The following NDRG3 variants were observed in gnomAD, a reference collection of about 807,000 sequenced individuals.
NDRG3 encodes the protein protein NDRG3.
Under a neutral mutation model 57.2 loss-of-function variants are expected in NDRG3, and 23 were observed. That is an observed-to-expected ratio of 0.40 (90% confidence interval 0.29 to 0.57). The LOEUF is 0.57. Ranked by LOEUF, NDRG3 falls within the 20% of genes least tolerant of loss-of-function variation. NDRG3 has a pLI of 0.42. For missense variants in NDRG3, 384 were observed against 457.3 expected, an observed-to-expected ratio of 0.84 and a Z score of 1.46; for synonymous variants, 132 against 162.6, an observed-to-expected ratio of 0.81 and a Z score of 1.43.
At position 36,665,748 on chromosome 20, in the gene NDRG3, G is replaced by A. The variant is rs577463825; in HGVS notation, c.693-447C>T. On this transcript the variant is annotated intron_variant, in intron 10 of 15. Coordinates refer to ENST00000349004, the MANE Select transcript of NDRG3 (RefSeq NM_032013.4). The stretch of plus-strand genomic sequence containing the variant: ...CAAGTAGCTGAGATTACAGGCGCCC[G>A]CCACTACACCCGGCTAATTTTTGTA... Among the ~76,000 whole-genome samples the A allele has an allele frequency of 5.2e-4, 79 of 152,216 alleles. 1 individual carries two copies. Among genetic ancestry groups the A allele is most frequent in the Non-Finnish European group, 9.1e-4 (62 of 68,002 alleles).
At chr20:36,657,210 C>T (rs547595516) in intron 13 of NDRG3, among the ~76,000 whole-genome samples, 34 of 152,116 alleles carry the variant, frequency 2.2e-4, no homozygotes, top group Non-Finnish European at 4.4e-4. Flanking sequence ...TTTCTGGCCG[C>T]GCGCAGTGGC....
intron 1 of NDRG3, among the ~76,000 whole-genome samples, chr20:36,731,106 A>G (rs1488483138): frequency 1.3e-5 from 2 of 152,162 alleles, no homozygotes; most frequent in African/African-American, 2.4e-5. Flanking sequence ...AAGAAAATCA[A>G]TTTCAGTCAG....
intron 3 of NDRG3, among the ~76,000 whole-genome samples, chr20:36,696,586 C>T (rs528027482): frequency 6.6e-6 from 1 of 152,050 alleles, no homozygotes; most frequent in East Asian, 1.9e-4. Flanking sequence ...CCCCACCTCC[C>T]GGGTTCAAGT....
intron 9 of NDRG3, among the ~76,000 whole-genome samples, chr20:36,668,287 AT>A (rs1979810443): frequency 6.6e-6 from 1 of 152,142 alleles, no homozygotes; most frequent in Non-Finnish European, 1.5e-5. Flanking sequence ...AAAAACACAA[AT>A]TATAGTCCTC....
At chr20:36,739,389 GTGAGCCGGGATCGCCCCAC>G (rs1985798818) in intron 1 of NDRG3, among the ~76,000 whole-genome samples, 1 of 151,070 alleles carries the variant, frequency 6.6e-6, no homozygotes, top group Admixed American at 6.6e-5. Flanking sequence ...GGAGGTTGCA[GTGAGCCGGGATCGCCCCAC>G]TGCACTCCAG....
At position 36,721,913 on chromosome 20, in the gene NDRG3, C is replaced by T. The variant is rs1984616702; in HGVS notation, c.-48-130G>A. The T allele has an allele frequency of 7.4e-6, 4 of 541,024 alleles. 1 individual carries two copies. Among genetic ancestry groups the T allele is most frequent in the Non-Finnish European group, 3.2e-6 (1 of 308,686 alleles). The allele number at this position is 541,024 out of a possible 1,614,324, so 33.5% of individuals were successfully genotyped here. A position where few individuals can be genotyped will look rare whatever the true frequency, so the allele number is the denominator to read the frequency against. On this transcript the variant is annotated intron_variant, in intron 1 of 15. Transcript: ENST00000349004. ...CATGCCCTGCTCAGGGTGCTAAAGA[C>T]ACATAGTTACGGCAGATAGACACTA...
At chr20:36,712,681 C>T (rs1054418699) in intron 2 of NDRG3, among the ~76,000 whole-genome samples, 2 of 141,650 alleles carry the variant, frequency 1.4e-5, no homozygotes, top group African/African-American at 2.6e-5. Flanking sequence ...CTGCAACCTC[C>T]GCCTGCCAAG....
chr20:36,657,521 G>T (rs1978788658), intron 13 of NDRG3, among the ~76,000 whole-genome samples: 1 of 151,274 alleles, frequency 6.6e-6, no homozygotes, highest in Admixed American at 6.6e-5. Flanking sequence ...TTTCTAATAA[G>T]ATCTCAGGTG....
At chr20:36,703,965 A>G (rs570079036) in intron 3 of NDRG3, among the ~76,000 whole-genome samples, 1 of 152,364 alleles carries the variant, frequency 6.6e-6, no homozygotes, top group South Asian at 2.1e-4. Flanking sequence ...GACATATGCC[A>G]AAATATTAAC....
intron 8 of NDRG3, among the ~76,000 whole-genome samples, chr20:36,680,484 CA>C (rs71186011): frequency 0.71 from 90,530 of 127,274 alleles, 30,838 homozygotes; most frequent in Middle Eastern, 0.8. Context: ...GACTCCATCT[CA>C]AAAAAAAAAA....
intron 9 of NDRG3, among the ~76,000 whole-genome samples, chr20:36,667,932 A>C (rs1475945927): frequency 1.3e-5 from 2 of 152,178 alleles, no homozygotes; most frequent in Admixed American, 1.3e-4. Flanking sequence ...AGGTATTATA[A>C]TAAGAAAAGT....
chr20:36,704,374 T>C (rs557509869), intron 3 of NDRG3, among the ~76,000 whole-genome samples: 3 of 152,168 alleles, frequency 2.0e-5, no homozygotes, highest in African/African-American at 7.2e-5. Flanking sequence ...CGCACCCCAC[T>C]ATATTCTAAT....
intron 1 of NDRG3, among the ~76,000 whole-genome samples, chr20:36,731,154 A>C: frequency 6.6e-6 from 1 of 152,164 alleles, no homozygotes. Flanking sequence ...GGGAGTGAGA[A>C]TGAGTGAGGT....
intron 5 of NDRG3, among the ~76,000 whole-genome samples, chr20:36,686,380 A>T (rs1471439647): frequency 6.6e-6 from 1 of 152,228 alleles, no homozygotes; most frequent in Non-Finnish European, 1.5e-5. Flanking sequence ...AACTTATCCC[A>T]TAGGGTTGTG....
chr20:36,720,987 G>A (rs2148196337), intron 2 of NDRG3, among the ~76,000 whole-genome samples: 1 of 151,254 alleles, frequency 6.6e-6, no homozygotes, highest in South Asian at 2.1e-4. Context: ...TGTTGTCCAG[G>A]CTGGTCTCAA....
intron 13 of NDRG3, among the ~76,000 whole-genome samples, chr20:36,658,307 T>C (rs934694930): frequency 1.3e-5 from 2 of 152,054 alleles, no homozygotes; most frequent in Non-Finnish European, 2.9e-5. Context: ...AATTTTTGTA[T>C]TTTTAGTAGA....
At chr20:36,673,300 A>C (rs1980346077) in intron 8 of NDRG3, among the ~76,000 whole-genome samples, 1 of 152,238 alleles carries the variant, frequency 6.6e-6, no homozygotes, top group African/African-American at 2.4e-5. Context: ...TAAATGATTT[A>C]GAATCTAGTT....
chr20:36,688,307 C>T (rs973837734), intron 4 of NDRG3, among the ~76,000 whole-genome samples: 8 of 151,914 alleles, frequency 5.3e-5, no homozygotes, highest in African/African-American at 1.9e-4. Context: ...AGAATTCTTA[C>T]TAATTCATTG....
rs978280223 is a variant in NDRG3, at chr20:36,656,605, T to C, written c.859-73A>G. 10 of 1,527,958 alleles carry C rather than the reference T, an allele frequency of 6.5e-6. No homozygotes were observed. The Admixed American group carries it at 1.5e-4, about 24-fold the overall frequency. The allele number at this position is 1,527,958 out of a possible 1,614,324, so 94.7% of individuals were successfully genotyped here. On this transcript the variant is annotated intron_variant, in intron 13 of 15. Transcript: ENST00000349004. Reference sequence around the variant, plus strand: ...AATTGCTCTGAACACCCCAAGTCCTTTCAAACAGAACAAGATTGAATTCTA... The same window carrying C: ...AATTGCTCTGAACACCCCAAGTCCTCTCAAACAGAACAAGATTGAATTCTA...
Sources: gnomAD v4.1 joint callset for allele counts (sites outside exome capture counted in the v4.1 genomes callset) on GRCh38, gnomAD v4.1.1 for gene constraint, MANE v1.5 for transcripts, NCBI Gene and HGNC (gene_info 2026-07-23, HGNC 2026-07-21) for gene names.